The following FARP2 variants were observed in gnomAD, a reference collection of about 807,000 sequenced individuals.
FARP2 encodes the protein FERM, ARHGEF and pleckstrin domain-containing protein 2.
A neutral mutation model predicts 130.5 loss-of-function variants in FARP2; 111 were observed. The observed-to-expected ratio is 0.85, with a 90% CI of 0.73 to 1.00. The LOEUF (loss-of-function observed/expected upper bound fraction) is 1.00, where lower values mean the gene tolerates loss of function less well. Among genes scored for constraint, FARP2 ranks in the 50% least tolerant of loss-of-function variants. The pLI is 0.00. For missense variants in FARP2, 1,385 were observed against 1,346.3 expected (o/e 1.03, Z -0.45); for synonymous variants, 504 against 516.9 (o/e 0.98, Z 0.34).
chr2:241,367,064 G>GT (rs2061333898), intron 1 of FARP2, among the ~76,000 whole-genome samples: 1 of 152,086 alleles, frequency 6.6e-6, no homozygotes, highest in South Asian at 2.1e-4. Flanking sequence ...GCCCTTCCTG[G>GT]TGTTTGAGGG....
chr2:241,409,159 T>C (rs2062448969), intron 5 of FARP2, among the ~76,000 whole-genome samples: 1 of 152,084 alleles, frequency 6.6e-6, no homozygotes. Flanking sequence ...GATAACTCAG[T>C]ATTATAGTTA....
chr2:241,441,124 T>G (rs2063372082), intron 12 of FARP2, among the ~76,000 whole-genome samples, 180 bp from the exon 13 acceptor site: 1 of 152,254 alleles, frequency 6.6e-6, no homozygotes. Flanking sequence ...TGGGTTGATT[T>G]GCAATGCTAC....
At chr2:241,427,355 G>A (rs1490328179) in intron 8 of FARP2, among the ~76,000 whole-genome samples, 1 of 152,068 alleles carries the variant, frequency 6.6e-6, no homozygotes, top group African/African-American at 2.4e-5. Flanking sequence ...ATCTAGAAAT[G>A]ATTTTATTAA....
At chr2:241,493,630 T>C in intron 26 of FARP2, 186 bp downstream of exon 26, 2 of 597,758 alleles carry the variant, frequency 3.3e-6, no homozygotes, top group East Asian at 2.8e-5. Flanking sequence ...CGTCTCCCTC[T>C]GTCACTCAGG....
chr2:241,405,463 G>C (rs1243115016), intron 4 of FARP2: 1 of 152,134 alleles, frequency 6.6e-6, no homozygotes, highest in Non-Finnish European at 1.5e-5. Context: ...ATAGTTGTCT[G>C]AGTCACCCAT....
intron 2 of FARP2, among the ~76,000 whole-genome samples, chr2:241,378,739 C>G (rs1345216863): frequency 6.6e-6 from 1 of 152,134 alleles, no homozygotes; most frequent in Non-Finnish European, 1.5e-5. Context: ...GATTTTTGAT[C>G]AGGAGAGAAA....
At chr2:241,478,589 C>A in intron 19 of FARP2, 2 of 501,764 alleles carry the variant, frequency 4.0e-6, no homozygotes, top group Middle Eastern at 7.0e-4. Flanking sequence ...CTATTTTGGG[C>A]CTGTGTTGAA....
Position 241,402,849 on chromosome 2 carries a change from TATATATATATATATATATATATATATA to T in FARP2, c.184-978_184-952del, listed in dbSNP as rs2062211054. Among the ~76,000 whole-genome samples, 4 of 8,334 alleles carry T rather than the reference TATATATATATATATATATATATATATA, an allele frequency of 4.8e-4. 1 individual carries two copies. Among genetic ancestry groups the T allele is most frequent in the East Asian group, 2.7e-3 (1 of 370 alleles). 5.5% of individuals were successfully genotyped at this position (8,334 alleles called of 152,430 possible). On this transcript the variant is annotated intron_variant, in intron 2 of 26. Coordinates refer to ENST00000264042, the MANE Select transcript of FARP2 (RefSeq NM_014808.4). The stretch of plus-strand genomic sequence containing the variant: ...CACCCAGCTAATTTATATATATATA[TATATATATATATATATATATATATATA>T]TATATTTTTTTTTTTTTTTTTTTTT...
intron 7 of FARP2, among the ~76,000 whole-genome samples, chr2:241,414,548 G>C (rs2062613762): frequency 6.6e-6 from 1 of 152,196 alleles, no homozygotes; most frequent in Non-Finnish European, 1.5e-5. Flanking sequence ...GTCAGCACTG[G>C]GGAGCTGGTT....
intron 7 of FARP2, among the ~76,000 whole-genome samples, chr2:241,415,431 C>G (rs77472953): frequency 0.019 from 2,834 of 152,298 alleles, 52 homozygotes; most frequent in Middle Eastern, 0.044. Flanking sequence ...CCTGCTGAGA[C>G]ACACAGCAGG....
chr2:241,392,114 A>G (rs567318322), intron 2 of FARP2, among the ~76,000 whole-genome samples: 2 of 152,224 alleles, frequency 1.3e-5, no homozygotes, highest in Non-Finnish European at 2.9e-5. Context: ...GAAGTTCACT[A>G]AGGTGCCATA....
chr2:241,409,831 T>C (rs183862773), intron 5 of FARP2, among the ~76,000 whole-genome samples: 3 of 152,372 alleles, frequency 2.0e-5, no homozygotes, highest in Admixed American at 1.3e-4. Flanking sequence ...AATTTCATCA[T>C]TCTCATATTC....
At chr2:241,492,882 G>T (rs755595137) in intron 24 of FARP2, 47 bp from the exon 25 acceptor site, 1 of 1,100,076 alleles carries the variant, frequency 9.1e-7, no homozygotes, top group African/African-American at 1.5e-5. Context: ...TCCCACAAGG[G>T]GTCCTGGGTG....
intron 1 of FARP2, chr2:241,372,835 T>G (rs1363959329): frequency 1.4e-5 from 3 of 220,346 alleles, no homozygotes; most frequent in Non-Finnish European, 2.7e-5. Context: ...TTAATGGGTA[T>G]GCCTGGCTCA....
Position 241,493,151 on chromosome 2 carries a change from A to G in FARP2, c.2895+115A>G. On this transcript the variant is annotated intron_variant, in intron 25 of 26. Transcript: ENST00000264042. Reference sequence around the variant, plus strand: ...CTGCCCTCCCATGCTTTGCCCACACACCCTGTGCTGTGTGAACAGGGAAAC... The same window carrying G: ...CTGCCCTCCCATGCTTTGCCCACACGCCCTGTGCTGTGTGAACAGGGAAAC... 3 of 1,162,482 alleles carry G rather than the reference A, an allele frequency of 2.6e-6. No homozygotes were observed. The South Asian group carries it at 4.0e-5, about 15-fold the overall frequency. 72.0% of individuals were successfully genotyped at this position (1,162,482 alleles called of 1,614,324 possible). A position where few individuals can be genotyped will look rare whatever the true frequency, so the allele number is the denominator to read the frequency against.
intron 18 of FARP2, among the ~76,000 whole-genome samples, chr2:241,472,474 C>G (rs2124840096): frequency 6.7e-6 from 1 of 150,058 alleles, no homozygotes; most frequent in Middle Eastern, 3.6e-3. Context: ...TGAGGGGACC[C>G]TGTTTTATGG....
Position 241,468,130 on chromosome 2 carries a change from G to T in FARP2, c.1894-10G>T, listed in dbSNP as rs376190599. 1 of 1,580,240 alleles carries T rather than the reference G, an allele frequency of 6.3e-7. No homozygotes were observed. Among genetic ancestry groups the T allele is most frequent in the African/African-American group, 1.3e-5 (1 of 74,292 alleles). Reference sequence around the variant, plus strand: ...CCTCACCTAAAGGCCCCACTCTTGCGCCTCCACAGGAGTTTACCAGCTACT... The same window carrying T: ...CCTCACCTAAAGGCCCCACTCTTGCTCCTCCACAGGAGTTTACCAGCTACT... On this transcript the variant is annotated splice_polypyrimidine_tract_variant and intron_variant, in intron 17 of 26. Coordinates refer to ENST00000264042, the MANE Select transcript of FARP2 (RefSeq NM_014808.4).
chr2:241,456,793 C>T lies in FARP2; in HGVS notation c.1458C>T (p.Ser486=). 1 of 1,613,954 alleles carries T rather than the reference C, an allele frequency of 6.2e-7. No homozygotes were observed. The highest frequency in any genetic ancestry group is 2.2e-5 in the East Asian group (1 of 44,880). Residue 486 remains serine (S), a synonymous_variant, in exon 14 of 27, where the codon AGC becomes AGT. Coordinates refer to ENST00000264042, the MANE Select transcript of FARP2 (RefSeq NM_014808.4). Reference sequence around the variant, plus strand: ...AGCCTTCTCCCTCCAGCCGGAAGAGCCCCCTGAGTCTGAGCCCTGCATTTC... The same window carrying T: ...AGCCTTCTCCCTCCAGCCGGAAGAGTCCCCTGAGTCTGAGCCCTGCATTTC... ...SPQPSPSSRK[S]PLSLSPAFQV...
chr2:241,384,254 G>A (rs1459848273), intron 2 of FARP2, among the ~76,000 whole-genome samples: 2 of 152,118 alleles, frequency 1.3e-5, no homozygotes, highest in Non-Finnish European at 2.9e-5. Context: ...TCCAACTGTT[G>A]TTATTGGAAT....
Sources: allele counts gnomAD v4.1 joint callset (sites outside exome capture counted in the v4.1 genomes callset), GRCh38; gene constraint gnomAD v4.1.1; transcripts MANE v1.5; gene names NCBI Gene and HGNC (gene_info 2026-07-23, HGNC 2026-07-21).